Variants in CNTN4 observed in about 807,000 individuals in gnomAD.
CNTN4 encodes contactin-4.
A neutral mutation model predicts 122.5 loss-of-function variants in CNTN4; 77 were observed. That is an observed-to-expected ratio of 0.63 (90% CI 0.52 to 0.76). CNTN4 has a LOEUF of 0.76. Among genes scored for constraint, CNTN4 ranks in the 30% least tolerant of loss-of-function variants. The pLI is 0.00. For missense variants in CNTN4, 1,256 were observed against 1,259.1 expected (o/e 1.00, Z 0.04); for synonymous variants, 512 against 447.0 (o/e 1.15, Z -1.83).
intron 3 of CNTN4, among the ~76,000 whole-genome samples, chr3:2,446,576 C>T (rs1212384535): frequency 6.6e-6 from 1 of 152,158 alleles, no homozygotes; most frequent in African/African-American, 2.4e-5. Context: ...TCCTGCAGCT[C>T]ATTTATACCT....
At chr3:2,257,450 A>C (rs138744709) in intron 2 of CNTN4, among the ~76,000 whole-genome samples, 1,682 of 152,358 alleles carry the variant, frequency 0.011, 17 homozygotes, top group Middle Eastern at 0.031. Context: ...GGATCTAATT[A>C]ACCTAAAGAG....
intron 2 of CNTN4, among the ~76,000 whole-genome samples, chr3:2,327,010 A>G (rs971632752): frequency 6.6e-6 from 1 of 152,194 alleles, no homozygotes; most frequent in East Asian, 1.9e-4. Flanking sequence ...TAGGAAAGAT[A>G]ATTTTCAAAG....
At chr3:2,675,559 AG>A (rs1345851685) in intron 4 of CNTN4, among the ~76,000 whole-genome samples, 2 of 152,188 alleles carry the variant, frequency 1.3e-5, no homozygotes, top group African/African-American at 4.8e-5. Flanking sequence ...CACCTTCCCA[AG>A]AATGAAAGCT....
At chr3:2,344,601 G>A (rs1315675610) in intron 3 of CNTN4, among the ~76,000 whole-genome samples, 1 of 151,996 alleles carries the variant, frequency 6.6e-6, no homozygotes, top group African/African-American at 2.4e-5. Context: ...TAAACATCAG[G>A]ATTCATGGTT....
intron 12 of CNTN4, among the ~76,000 whole-genome samples, chr3:2,909,566 A>G (rs1479179371): frequency 6.6e-6 from 1 of 152,088 alleles, no homozygotes. Flanking sequence ...ATGGCATACC[A>G]TACTCGTTAT....
chr3:3,032,530 T>G (rs2009399), intron 16 of CNTN4, among the ~76,000 whole-genome samples: 91,676 of 152,102 alleles, frequency 0.6, 28,042 homozygotes, highest in Middle Eastern at 0.71. Flanking sequence ...TATCTCCTTC[T>G]GCTCTGCCCT....
At chr3:2,635,231 A>C (rs2082613077) in intron 4 of CNTN4, among the ~76,000 whole-genome samples, 1 of 152,176 alleles carries the variant, frequency 6.6e-6, no homozygotes, top group African/African-American at 2.4e-5. Flanking sequence ...GTTACATCTG[A>C]TGGGTCAATC....
chr3:2,335,179 T>C (rs546559132), intron 2 of CNTN4, among the ~76,000 whole-genome samples: 5 of 152,292 alleles, frequency 3.3e-5, no homozygotes, highest in Admixed American at 1.3e-4. Context: ...CACCTGGTTG[T>C]GTATTAATTT....
chr3:2,202,924 A>G (rs2038166373), intron 2 of CNTN4, among the ~76,000 whole-genome samples: 1 of 151,176 alleles, frequency 6.6e-6, no homozygotes, highest in South Asian at 2.1e-4. Context: ...CCCAAGTTCG[A>G]GATTCTCCTG....
intron 2 of CNTN4, among the ~76,000 whole-genome samples, chr3:2,235,624 A>G (rs543586404): frequency 2.6e-5 from 4 of 152,248 alleles, no homozygotes; most frequent in South Asian, 4.1e-4. Flanking sequence ...ACACTTGATT[A>G]TGTATTTTGA....
chr3:2,230,500 C>T (rs139952784), intron 2 of CNTN4, among the ~76,000 whole-genome samples: 1 of 152,298 alleles, frequency 6.6e-6, no homozygotes, highest in African/African-American at 2.4e-5. Flanking sequence ...TTTGGACCCA[C>T]ATAATGGGAT....
At chr3:2,351,546 G>A (rs1018841565) in intron 3 of CNTN4, among the ~76,000 whole-genome samples, 1 of 152,158 alleles carries the variant, frequency 6.6e-6, no homozygotes, top group Non-Finnish European at 1.5e-5. Flanking sequence ...AAATATGTAT[G>A]ATCTCACTTA....
intron 5 of CNTN4, among the ~76,000 whole-genome samples, chr3:2,739,661 TA>T (rs1342727612): frequency 3.3e-5 from 5 of 152,192 alleles, no homozygotes; most frequent in African/African-American, 1.2e-4. Context: ...GCCTGAGAAT[TA>T]AATTAACATA....
intron 2 of CNTN4, among the ~76,000 whole-genome samples, chr3:2,213,613 G>A (rs1407085989): frequency 1.3e-5 from 2 of 152,118 alleles, no homozygotes; most frequent in Non-Finnish European, 2.9e-5. Context: ...CAGAGTGCAG[G>A]GTAAGGGTTT....
At chr3:2,865,653 G>A (rs1236329782) in intron 7 of CNTN4, among the ~76,000 whole-genome samples, 1 of 152,172 alleles carries the variant, frequency 6.6e-6, no homozygotes, top group East Asian at 1.9e-4. Flanking sequence ...CACTTCTCCA[G>A]CTTTGGACAA....
intron 6 of CNTN4, among the ~76,000 whole-genome samples, chr3:2,798,271 A>ATTCC (rs2092253102): frequency 8.8e-6 from 1 of 114,112 alleles, no homozygotes; most frequent in African/African-American, 3.0e-5. Flanking sequence ...GCTGAGTAGT[A>ATTCC]TTCCATTGTG....
intron 2 of CNTN4, among the ~76,000 whole-genome samples, chr3:2,147,484 G>A (rs1333853609): frequency 6.6e-6 from 1 of 152,124 alleles, no homozygotes; most frequent in Non-Finnish European, 1.5e-5. Flanking sequence ...CAATGGAAAT[G>A]ACTTTTATTT....
At position 3,001,101 on chromosome 3, in the gene CNTN4, G is replaced by A. The variant is rs575985010; in HGVS notation, c.1486+12629G>A. On this transcript the variant is annotated intron_variant, in intron 14 of 24. Coordinates refer to ENST00000418658, the MANE Select transcript of CNTN4 (RefSeq NM_175607.3). ...TCAGTGCCTGAGTTTTGAAACACTT[G>A]AGAAGTAAGTTGAGGCAGTTGGGCA... Among the ~76,000 whole-genome samples, 222 of 152,224 alleles carry A rather than the reference G, an allele frequency of 1.5e-3. 1 individual carries two copies. The highest frequency in any genetic ancestry group is 4.8e-3 in the African/African-American group (200 of 41,542).
intron 4 of CNTN4, among the ~76,000 whole-genome samples, chr3:2,674,780 CAAA>C (rs77564807): frequency 2.1e-4 from 29 of 140,178 alleles, no homozygotes; most frequent in African/African-American, 6.7e-4. Flanking sequence ...AACAAAAAAA[CAAA>C]AAAAAAAAAA....
Sources: gnomAD v4.1 joint callset for allele counts (sites outside exome capture counted in the v4.1 genomes callset) on GRCh38, gnomAD v4.1.1 for gene constraint, MANE v1.5 for transcripts, NCBI Gene and HGNC (gene_info 2026-07-23, HGNC 2026-07-21) for gene names.